Variants in OSBPL5 observed in about 807,000 individuals in gnomAD.
The protein encoded by OSBPL5 is oxysterol binding protein like 5.
Under a neutral mutation model 111.2 loss-of-function variants are expected in OSBPL5, and 71 were observed. That is an observed-to-expected ratio of 0.64 (90% CI 0.53 to 0.78). OSBPL5 has a LOEUF of 0.78. OSBPL5 is among the 30% of genes least tolerant of loss of function. The pLI, the probability that OSBPL5 is intolerant of heterozygous loss-of-function variation, is 0.00. For missense variants in OSBPL5, 1,210 were observed against 1,189.3 expected (o/e 1.02, Z -0.26); for synonymous variants, 549 against 513.9 (o/e 1.07, Z -0.93).
intron 2 of OSBPL5, among the ~76,000 whole-genome samples, chr11:3,127,115 C>T (rs1858654564): frequency 6.6e-6 from 1 of 152,182 alleles, no homozygotes; most frequent in African/African-American, 2.4e-5. Context: ...TCCCCTCCCC[C>T]GGCTCTGTTT....
chr11:3,153,536 G>A (rs1846655024), intron 1 of OSBPL5, among the ~76,000 whole-genome samples: 1 of 152,202 alleles, frequency 6.6e-6, no homozygotes, highest in Non-Finnish European at 1.5e-5. Flanking sequence ...CTGGCAAGCT[G>A]CGGGGGCTGA....
Position 3,130,406 on chromosome 11 carries a change from T to TG in OSBPL5, c.-21-1238dup, listed in dbSNP as rs200747937. 0.1 allele frequency among the ~76,000 whole-genome samples: 15,599 copies of TG among 152,182 alleles called. 832 individuals are homozygous for TG. The highest frequency in any genetic ancestry group is 0.14 in the South Asian group (659 of 4,818). ...TTTCTCCCATGGTCCTGGGCTTTGC[T>TG]GGGGGGGGCCTCAGACACACAGAGA... is the stretch of plus-strand genomic sequence containing the variant. On this transcript the variant is annotated intron_variant, in intron 1 of 21. Coordinates refer to ENST00000263650, the MANE Select transcript of OSBPL5 (RefSeq NM_020896.4). This position sits in a 1 kb window ranked among gnomAD's most constrained non-coding sequence, Gnocchi z 4.5.
chr11:3,122,417 C>G lies in OSBPL5; in HGVS notation c.231G>C (p.Arg77Ser). Residue 77 changes from arginine (R) to serine (S), a missense_variant, in exon 4 of 22, where the codon AGG becomes AGC. By Grantham distance (110) the Arg-to-Ser change is moderately radical. Transcript: ENST00000263650. ...SATKVPPAEY[R>S]LCNGSDKECV... ...ATTCCTTGTCTGACCCGTTGCACAG[C>G]CTGTACTCTGCCTGAAAGAGAGAGG... is the stretch of plus-strand genomic sequence containing the variant. The G allele has an allele frequency of 6.2e-7, 1 of 1,613,796 alleles. No homozygotes were observed. Among genetic ancestry groups the G allele is most frequent in the South Asian group, 1.1e-5 (1 of 91,006 alleles).
In OSBPL5 at chr11:3,138,772, CCCAGGTGGGGGA is replaced by C. The variant is rs372380214; in HGVS notation, c.-21-9615_-21-9604del. Among the ~76,000 whole-genome samples, 581 of 152,362 alleles carry C rather than the reference CCCAGGTGGGGGA, an allele frequency of 3.8e-3. 4 individuals carry two copies. The highest frequency in any genetic ancestry group is 0.014 in the African/African-American group (568 of 41,584). ...GGACGGCCCTGCAGGCCGCTGCCTACCCAGGTGGGGGACCAAGGGAGAAGCAGCTGGGCTGTG... is the reference window on the plus strand; with the variant it reads ...GGACGGCCCTGCAGGCCGCTGCCTACCCAAGGGAGAAGCAGCTGGGCTGTG... On this transcript the variant is annotated intron_variant, in intron 1 of 21. Transcript: ENST00000263650.
chr11:3,098,642 A>G (rs1205915416), intron 14 of OSBPL5, among the ~76,000 whole-genome samples: 4 of 151,236 alleles, frequency 2.6e-5, no homozygotes, highest in Non-Finnish European at 5.9e-5. Flanking sequence ...AGTAGCTGGG[A>G]TTACAGGCAT....
rs911780311 is a variant in OSBPL5, at chr11:3,131,360, T to C, written c.-21-2191A>G. Among the ~76,000 whole-genome samples the C allele has an allele frequency of 6.9e-5, 10 of 144,558 alleles. No homozygotes were observed. In the East Asian group the frequency reaches 2.1e-3, roughly 30 times the overall value. 94.8% of individuals were successfully genotyped at this position (144,558 alleles called of 152,430 possible). A position where few individuals can be genotyped will look rare whatever the true frequency, so the allele number is the denominator to read the frequency against. ...TCCCTTCCAGGCATCCATCCATCCA[T>C]CCATCCACCCACCCACCCATTCATC... On this transcript the variant is annotated intron_variant, in intron 1 of 21. Transcript: ENST00000263650.
In OSBPL5 at chr11:3,161,214, T is replaced by C. The variant is rs1026702862; in HGVS notation, c.-22+4002A>G. On this transcript the variant is annotated intron_variant, in intron 1 of 21. Transcript: ENST00000263650. This position sits in a 1 kb window ranked among gnomAD's most constrained non-coding sequence, Gnocchi z 8.0. ...ACTTTCCCCTTCATCCTTGTCTTCG[T>C]GTCAGCAGGGTGAGAGGGGATCTAT... 2 of 152,270 alleles carry C rather than the reference T, an allele frequency of 1.3e-5. No homozygotes were observed. The highest frequency in any genetic ancestry group is 4.8e-5 in the African/African-American group (2 of 41,456). 9.4% of individuals were successfully genotyped at this position (152,270 alleles called of 1,614,324 possible).
rs1857576450 is a variant in OSBPL5 at position 3,103,809 on chromosome 11, TTCCTGCCTGCGCAGCCCCC to T, written c.1244+365_1244+383del. 7.2e-4 allele frequency among the ~76,000 whole-genome samples: 31 copies of T among 43,024 alleles called. 2 individuals are homozygous for T. Among genetic ancestry groups the T allele is most frequent in the Admixed American group, 1.5e-3 (6 of 3,956 alleles). 28.2% of individuals were successfully genotyped at this position (43,024 alleles called of 152,430 possible). On this transcript the variant is annotated intron_variant, in intron 10 of 21. Coordinates refer to ENST00000263650, the MANE Select transcript of OSBPL5 (RefSeq NM_020896.4). The stretch of plus-strand genomic sequence containing the variant: ...GTCCCTTCCTGCCTCTGCAGCCCTC[TTCCTGCCTGCGCAGCCCCC>T]TTCCAGCCTCTGCAGCCCCTTTCCA...
intron 7 of OSBPL5, among the ~76,000 whole-genome samples, chr11:3,112,801 G>C (rs1463130876): frequency 6.6e-6 from 1 of 152,054 alleles, no homozygotes; most frequent in East Asian, 1.9e-4. Flanking sequence ...TCTCCCTCTA[G>C]CACCACCAGA....
rs1469403485 is a variant in OSBPL5, at chr11:3,107,361, G to A, written c.961C>T (p.Arg321Trp). The A allele has an allele frequency of 1.7e-5, 27 of 1,613,904 alleles. No homozygotes were observed. The highest frequency in any genetic ancestry group is 2.2e-5 in the East Asian group (1 of 44,892). The change falls in exon 9 of 22, where the codon CGG becomes TGG. Residue 321 changes from arginine to tryptophan, a missense_variant. Coordinates refer to ENST00000263650, the MANE Select transcript of OSBPL5 (RefSeq NM_020896.4). The surrounding 1 kb of genome is among the most constrained non-coding windows in gnomAD (Gnocchi z 6.1). Reference protein sequence around the residue: ...ESDTETQDHSRKTESGSDQSE... With the variant: ...ESDTETQDHSWKTESGSDQSE... ...TGGTCGCTGCCACTCTCCGTCTTCC[G>A]GCTATGGTCCTGGGTCTCGGTATCT... is the stretch of plus-strand genomic sequence containing the variant.
At chr11:3,088,778 T>G (rs1856960125) in intron 21 of OSBPL5, among the ~76,000 whole-genome samples, 1 of 152,028 alleles carries the variant, frequency 6.6e-6, no homozygotes, top group Non-Finnish European at 1.5e-5. Context: ...ATGGGACTGG[T>G]GTCCTTATAT....
Position 3,120,739 on chromosome 11 carries a change from T to TCC in OSBPL5, c.403-117_403-116dup. The TCC allele has an allele frequency of 5.6e-6, 6 of 1,070,626 alleles. No homozygotes were observed. In the South Asian group the frequency reaches 7.3e-5, roughly 13 times the overall value. The allele number at this position is 1,070,626 out of a possible 1,614,324, so 66.3% of individuals were successfully genotyped here. A position where few individuals can be genotyped will look rare whatever the true frequency, so the allele number is the denominator to read the frequency against. On this transcript the variant is annotated intron_variant, in intron 5 of 21. Coordinates refer to ENST00000263650, the MANE Select transcript of OSBPL5 (RefSeq NM_020896.4). ...CCAGGGTGGGCTGCCGAGGGGCCCTTCCCCTCCCTCACTCCCCCACACCAG... is the reference window on the plus strand; with the variant it reads ...CCAGGGTGGGCTGCCGAGGGGCCCTTCCCCCCTCCCTCACTCCCCCACACCAG...
chr11:3,120,394 G>C (rs772788060), intron 6 of OSBPL5, 27 bp downstream of exon 6: 1 of 1,600,956 alleles, frequency 6.2e-7, no homozygotes, highest in Admixed American at 1.7e-5. Flanking sequence ...CGGGGCCTCT[G>C]TCTTCAACCC....
intron 17 of OSBPL5, 46 bp from the exon 18 acceptor site, chr11:3,093,098 A>C: frequency 1.4e-6 from 2 of 1,452,994 alleles, no homozygotes; most frequent in Non-Finnish European, 1.8e-6. Flanking sequence ...GGGCAGCCCG[A>C]CCCCTAGGCA....
intron 1 of OSBPL5, among the ~76,000 whole-genome samples, chr11:3,159,415 G>A (rs992714871): frequency 1.3e-5 from 2 of 152,198 alleles, no homozygotes; most frequent in African/African-American, 4.8e-5. Context: ...AGACACTAAG[G>A]CATTCCAGTT....
Position 3,130,845 on chromosome 11 carries a change from G to A in OSBPL5, c.-21-1676C>T, listed in dbSNP as rs995830325. 2.0e-5 allele frequency among the ~76,000 whole-genome samples: 3 copies of A among 152,116 alleles called. No homozygotes were observed. The highest frequency in any genetic ancestry group is 2.9e-5 in the Non-Finnish European group (2 of 68,014). On this transcript the variant is annotated intron_variant, in intron 1 of 21. Transcript: ENST00000263650. The surrounding 1 kb of genome is among the most constrained non-coding windows in gnomAD (Gnocchi z 4.5). ...CCTACTTGTCAATCACAACAAACACGTCCTACTTGCCCAGGTGCAGCTCAG... is the reference window on the plus strand; with the variant it reads ...CCTACTTGTCAATCACAACAAACACATCCTACTTGCCCAGGTGCAGCTCAG...
At position 3,100,231 on chromosome 11, in the gene OSBPL5, G is replaced by A. The variant is rs370238489; in HGVS notation, c.1548C>T (p.Asp516=). The A allele has an allele frequency of 1.2e-5, 19 of 1,613,962 alleles. No homozygotes were observed. Among genetic ancestry groups the A allele is most frequent in the East Asian group, 6.7e-5 (3 of 44,884 alleles). Reference sequence around the variant, plus strand: ...TCAGGAAGGTGAGCGTGGCTTTGCCGTCCAGCAGCGCCGACAGCGAGTTCC... The same window carrying A: ...TCAGGAAGGTGAGCGTGGCTTTGCCATCCAGCAGCGCCGACAGCGAGTTCC... ...FYGNSLSALL[D]GKATLTFLNR... is the part of the protein sequence containing the mutation. Residue 516 remains aspartate (D), a synonymous_variant, in exon 14 of 22, where the codon GAC becomes GAT. Coordinates refer to ENST00000263650, the MANE Select transcript of OSBPL5 (RefSeq NM_020896.4).
chr11:3,122,512 A>T, intron 3 of OSBPL5, 84 bp from the exon 4 acceptor site: 1 of 1,279,010 alleles, frequency 7.8e-7, no homozygotes, highest in Non-Finnish European at 1.1e-6. Flanking sequence ...TGCCAAGGAT[A>T]TGAGGGCAGA....
chr11:3,132,038 C>CATCCATCA (rs1845829746), intron 1 of OSBPL5, among the ~76,000 whole-genome samples: 1 of 145,410 alleles, frequency 6.9e-6, no homozygotes, highest in Admixed American at 6.8e-5. Context: ...TCCATCCATC[C>CATCCATCA]ATCCATCCAT....
Sources: gnomAD v4.1 joint callset for allele counts (sites outside exome capture counted in the v4.1 genomes callset) on GRCh38, gnomAD v4.1.1 for gene constraint, Gnocchi (gnomAD v3.1) non-coding constraint, MANE v1.5 for transcripts, NCBI Gene and HGNC (gene_info 2026-07-23, HGNC 2026-07-21) for gene names.